CLIC5: variants seen among roughly 807,000 people sequenced by gnomAD.
CLIC5 encodes the protein chloride intracellular channel protein 5.
CLIC5 carries 20 observed loss-of-function variants against 24.7 expected under a neutral mutation model. The observed-to-expected ratio is 0.81, with a 90% CI of 0.57 to 1.18. The LOEUF is 1.18. CLIC5 is among the 50% of genes most tolerant of loss of function. The probability of loss-of-function intolerance (pLI) is 0.00; values close to 1 mark genes in which losing one functional copy is unlikely to be tolerated. For synonymous variants in CLIC5, 159 were observed against 135.6 expected (o/e 1.17, Z -1.20); for missense variants, 341 against 326.1 (o/e 1.05, Z -0.35).
chr6:45,952,566 A>G (rs1764508437), intron 2 of CLIC5, among the ~76,000 whole-genome samples: 2 of 152,240 alleles, frequency 1.3e-5, no homozygotes, highest in Non-Finnish European at 1.5e-5. Context: ...GTTCAAGATT[A>G]TTCAGTCACT....
chr6:46,022,535 C>A (rs755980360), intron 1 of CLIC5, among the ~76,000 whole-genome samples: 1 of 152,132 alleles, frequency 6.6e-6, no homozygotes, highest in Non-Finnish European at 1.5e-5. Context: ...GGGATCACAC[C>A]TGCATGAGGT....
chr6:45,998,399 T>C (rs1766229668), intron 1 of CLIC5, among the ~76,000 whole-genome samples: 1 of 152,092 alleles, frequency 6.6e-6, no homozygotes, highest in African/African-American at 2.4e-5. Flanking sequence ...TTTGTCAGAA[T>C]AGCACCCCAA....
At chr6:45,947,278 G>T (rs1255421981) in intron 3 of CLIC5, among the ~76,000 whole-genome samples, 1 of 152,224 alleles carries the variant, frequency 6.6e-6, no homozygotes, top group African/African-American at 2.4e-5. Context: ...TGCACTGGGG[G>T]TGGTGTGGTA....
chr6:46,085,062 G>C (rs555193766), upstream of CLIC5, among the ~76,000 whole-genome samples: 1 of 150,122 alleles, frequency 6.7e-6, no homozygotes, highest in African/African-American at 2.4e-5. Flanking sequence ...CCAGTTGATC[G>C]CATTGGCTCC....
intron 1 of CLIC5, among the ~76,000 whole-genome samples, chr6:46,021,143 G>C (rs1767171589): frequency 7.0e-6 from 1 of 142,540 alleles, no homozygotes; most frequent in Non-Finnish European, 1.5e-5. Flanking sequence ...TATCTGAGCA[G>C]ACACTTTAAC....
intron 1 of CLIC5, among the ~76,000 whole-genome samples, chr6:46,049,701 G>A (rs1029816374): frequency 3.3e-5 from 5 of 152,164 alleles, no homozygotes; most frequent in African/African-American, 7.2e-5. Context: ...AATTAACTCA[G>A]GGACAAAAAC....
chr6:45,967,897 G>C (rs1765069447), intron 1 of CLIC5, among the ~76,000 whole-genome samples: 1 of 152,096 alleles, frequency 6.6e-6, no homozygotes, highest in South Asian at 2.1e-4. Flanking sequence ...AGTCAGGAGG[G>C]AACCAACCCC....
chr6:45,994,097 T>C (rs1383297802), intron 1 of CLIC5, among the ~76,000 whole-genome samples: 1 of 152,134 alleles, frequency 6.6e-6, no homozygotes, highest in Non-Finnish European at 1.5e-5. Context: ...GGGCTCATGG[T>C]CAGCAGATAT....
At chr6:46,070,327 T>C (rs1762558268) in intron 1 of CLIC5, among the ~76,000 whole-genome samples, 1 of 152,140 alleles carries the variant, frequency 6.6e-6, no homozygotes, top group Non-Finnish European at 1.5e-5. Context: ...GAAAACCCCA[T>C]AGTCTTGGCC....
chr6:46,088,374 G>C, the CLIC5 span, among the ~76,000 whole-genome samples: 4 of 152,052 alleles, frequency 2.6e-5, no homozygotes, highest in South Asian at 2.1e-4. Flanking sequence ...CAGTTTTATA[G>C]TACTCCACAA....
intron 1 of CLIC5, among the ~76,000 whole-genome samples, chr6:45,956,830 C>A (rs1343619111): frequency 6.6e-6 from 1 of 152,146 alleles, no homozygotes; most frequent in African/African-American, 2.4e-5. Context: ...TGAGAAAGCA[C>A]GGACTCCGTT....
intron 1 of CLIC5, among the ~76,000 whole-genome samples, chr6:46,043,766 C>T (rs993724737): frequency 1.4e-5 from 2 of 141,462 alleles, no homozygotes; most frequent in Non-Finnish European, 3.2e-5. Context: ...ATGCACTGTG[C>T]TATGTCTCCA....
the CLIC5 span, among the ~76,000 whole-genome samples, chr6:46,106,966 T>G: frequency 3.5e-4 from 54 of 152,246 alleles, no homozygotes; most frequent in Non-Finnish European, 6.2e-4. Flanking sequence ...TAAAGTCTTT[T>G]TTTATGTTTG....
At chr6:45,927,394 C>A (rs1272117537) in intron 4 of CLIC5, among the ~76,000 whole-genome samples, 1 of 152,194 alleles carries the variant, frequency 6.6e-6, no homozygotes, top group African/African-American at 2.4e-5. Flanking sequence ...TGCTTCGTAA[C>A]AAGACCCTGT....
At chr6:46,061,856 C>T (rs1762292738) in intron 1 of CLIC5, among the ~76,000 whole-genome samples, 1 of 152,188 alleles carries the variant, frequency 6.6e-6, no homozygotes, top group African/African-American at 2.4e-5. Flanking sequence ...CTCACTAAAT[C>T]CCATCACTCC....
At chr6:46,051,416 T>C (rs556092041) in intron 1 of CLIC5, among the ~76,000 whole-genome samples, 33 of 152,358 alleles carry the variant, frequency 2.2e-4, no homozygotes, top group Non-Finnish European at 4.1e-4. Context: ...CCTTTCCAGA[T>C]AAAGATTGCT....
rs528538332 is a variant in CLIC5, at chr6:45,956,457, G to A, written c.64-1213C>T. 9.4e-5 allele frequency among the ~76,000 whole-genome samples: 14 copies of A among 149,484 alleles called. No individual in the cohort carries two copies. In the South Asian group the frequency reaches 3.0e-3, roughly 33 times the overall value. ...AACAATCCGACCAATATCCAGGAAT[G>A]GGGGCTTACTGAGTTTTTTTTTTTT... On this transcript the variant is annotated intron_variant, in intron 1 of 5. Coordinates refer to ENST00000339561, the MANE Select transcript of CLIC5 (RefSeq NM_016929.5).
At chr6:46,110,183 G>A in the CLIC5 span, among the ~76,000 whole-genome samples, 6 of 152,268 alleles carry the variant, frequency 3.9e-5, no homozygotes, top group Middle Eastern at 3.4e-3. Context: ...TAGATCATAC[G>A]CCTGACCTTT....
At chr6:46,107,763 C>T in the CLIC5 span, among the ~76,000 whole-genome samples, 1 of 152,066 alleles carries the variant, frequency 6.6e-6, no homozygotes, top group African/African-American at 2.4e-5. Flanking sequence ...GGGCTGGGTG[C>T]ATTGGCTCAC....
Sources: allele counts gnomAD v4.1 joint callset (sites outside exome capture counted in the v4.1 genomes callset), GRCh38; gene constraint gnomAD v4.1.1; transcripts MANE v1.5; gene names NCBI Gene and HGNC (gene_info 2026-07-23, HGNC 2026-07-21).